Variants in DPYD observed in about 807,000 individuals in gnomAD.
DPYD encodes the protein dihydropyrimidine dehydrogenase [NADP(+)].
In DPYD, 109 loss-of-function variants were observed where a neutral mutation model predicts 116.2. That is an observed-to-expected ratio of 0.94 (90% CI 0.80 to 1.10). The LOEUF (loss-of-function observed/expected upper bound fraction) is 1.10, where lower values mean the gene tolerates loss of function less well. Ranked by LOEUF, DPYD falls within the 50% of genes least tolerant of loss-of-function variation. The pLI is 0.00. For synonymous variants in DPYD, 440 were observed against 432.0 expected, an observed-to-expected ratio of 1.02 and a Z score of -0.23; for missense variants, 1,302 against 1,254.5, an observed-to-expected ratio of 1.04 and a Z score of -0.57.
At chr1:97,659,202 T>G (rs1480456840) in intron 8 of DPYD, among the ~76,000 whole-genome samples, 3 of 152,166 alleles carry the variant, frequency 2.0e-5, no homozygotes, top group Non-Finnish European at 4.4e-5. Flanking sequence ...ATCTCTGATC[T>G]TTGTGAAGTC....
chr1:97,282,737 T>A (rs1381134686), intron 18 of DPYD, among the ~76,000 whole-genome samples: 1 of 152,096 alleles, frequency 6.6e-6, no homozygotes, highest in African/African-American at 2.4e-5. Context: ...CTCTCTCAAA[T>A]AGGCCCCAGT....
intron 20 of DPYD, among the ~76,000 whole-genome samples, chr1:97,164,416 T>C (rs1656157209): frequency 6.6e-6 from 1 of 152,064 alleles, no homozygotes; most frequent in East Asian, 1.9e-4. Context: ...GGTACTGGAA[T>C]ACCCGGCCAG....
intron 2 of DPYD, among the ~76,000 whole-genome samples, chr1:97,843,945 C>T (rs1670165239): frequency 6.6e-6 from 1 of 151,826 alleles, no homozygotes; most frequent in Non-Finnish European, 1.5e-5. Flanking sequence ...ATGTGATAAC[C>T]TCAGATACTA....
intron 8 of DPYD, among the ~76,000 whole-genome samples, chr1:97,670,400 C>G (rs1659796423): frequency 6.6e-6 from 1 of 152,158 alleles, no homozygotes; most frequent in African/African-American, 2.4e-5. Context: ...GGGCCCCCAT[C>G]ATGGGATTAG....
At chr1:97,654,250 T>C (rs1383484114) in intron 8 of DPYD, among the ~76,000 whole-genome samples, 1 of 152,184 alleles carries the variant, frequency 6.6e-6, no homozygotes, top group Non-Finnish European at 1.5e-5. Context: ...GCACTGAAAT[T>C]AACCCTGAGA....
Position 97,765,574 on chromosome 1 carries a change from C to T in DPYD, c.234-25095G>A, listed in dbSNP as rs564845263. Among the ~76,000 whole-genome samples the T allele has an allele frequency of 2.8e-4, 43 of 152,290 alleles. No homozygotes were observed. The South Asian group carries it at 8.5e-3, about 30-fold the overall frequency. On this transcript the variant is annotated intron_variant, in intron 3 of 22. Transcript: ENST00000370192. ...GAAATGAACAGAATAGTTTGACAGC[C>T]TTACTCCTTAGGAGGCACTGGCAAG...
At chr1:97,316,342 G>T (rs1260043475) in intron 16 of DPYD, among the ~76,000 whole-genome samples, 1 of 139,842 alleles carries the variant, frequency 7.2e-6, no homozygotes, top group Admixed American at 7.2e-5. Context: ...GTAAAAAAAA[G>T]AAAAAAAAAA....
At chr1:97,852,605 C>T (rs1206138471) in intron 2 of DPYD, among the ~76,000 whole-genome samples, 6 of 152,020 alleles carry the variant, frequency 3.9e-5, no homozygotes, top group Non-Finnish European at 8.8e-5. Context: ...CAGTGATTTC[C>T]ATTGTTAAAC....
chr1:97,756,559 T>G (rs1665254548), intron 3 of DPYD, among the ~76,000 whole-genome samples: 1 of 152,126 alleles, frequency 6.6e-6, no homozygotes, highest in South Asian at 2.1e-4. Context: ...ATTACAGAAA[T>G]TTTTCTTATG....
chr1:97,155,925 G>T (rs967994718), intron 20 of DPYD, among the ~76,000 whole-genome samples: 10 of 151,886 alleles, frequency 6.6e-5, no homozygotes, highest in African/African-American at 2.2e-4. Context: ...AATCACCTGG[G>T]GATCTTTTTA....
At chr1:97,238,896 A>T (rs1337595352) in intron 18 of DPYD, among the ~76,000 whole-genome samples, 1 of 152,226 alleles carries the variant, frequency 6.6e-6, no homozygotes, top group Non-Finnish European at 1.5e-5. Flanking sequence ...GAATTCAGTT[A>T]CATCAAGCCA....
intron 14 of DPYD, among the ~76,000 whole-genome samples, chr1:97,395,229 G>T (rs1044817474): frequency 1.3e-5 from 2 of 151,120 alleles, no homozygotes; most frequent in African/African-American, 2.4e-5. Context: ...TCTAGAGACA[G>T]AATAAGGACA....
intron 18 of DPYD, among the ~76,000 whole-genome samples, chr1:97,247,790 C>T (rs1276063667): frequency 6.6e-6 from 1 of 152,034 alleles, no homozygotes; most frequent in Non-Finnish European, 1.5e-5. Flanking sequence ...ACACAACTAA[C>T]CAAAATTGAG....
intron 11 of DPYD, among the ~76,000 whole-genome samples, chr1:97,565,657 T>C (rs1338310850): frequency 6.6e-6 from 1 of 152,164 alleles, no homozygotes; most frequent in Non-Finnish European, 1.5e-5. Flanking sequence ...AAATGTGATC[T>C]CAAATTAGCA....
intron 5 of DPYD, among the ~76,000 whole-genome samples, chr1:97,703,717 T>G (rs971949869): frequency 6.6e-6 from 1 of 152,024 alleles, no homozygotes; most frequent in Non-Finnish European, 1.5e-5. Context: ...CATCCATCAC[T>G]GCAAAAATTA....
chr1:97,554,730 T>C (rs1651568273), intron 11 of DPYD, among the ~76,000 whole-genome samples: 2 of 152,148 alleles, frequency 1.3e-5, no homozygotes, highest in South Asian at 4.1e-4. Flanking sequence ...CAAGTCTGGA[T>C]GGCTTGAGCT....
Position 97,361,892 on chromosome 1 carries a change from A to G in DPYD, c.2058+11669T>C, listed in dbSNP as rs1570593813. 2.6e-5 allele frequency among the ~76,000 whole-genome samples: 4 copies of G among 152,222 alleles called. No individual in the cohort carries two copies. The East Asian group carries it at 7.7e-4, about 29-fold the overall frequency. On this transcript the variant is annotated intron_variant, in intron 16 of 22. Coordinates refer to ENST00000370192, the MANE Select transcript of DPYD (RefSeq NM_000110.4). ...GGAAGCATTCCCTTTGAAAACTGGC[A>G]CAAGACAGGGATGCCCTCTCTCACC...
intron 13 of DPYD, among the ~76,000 whole-genome samples, chr1:97,511,215 C>T (rs1647771666): frequency 6.6e-6 from 1 of 151,988 alleles, no homozygotes; most frequent in Non-Finnish European, 1.5e-5. Context: ...ACTATTATTT[C>T]ATCTGAAAAC....
intron 20 of DPYD, among the ~76,000 whole-genome samples, chr1:97,174,283 G>A (rs1418607642): frequency 1.3e-5 from 2 of 152,118 alleles, no homozygotes; most frequent in African/African-American, 4.8e-5. Context: ...ATCCTACAAA[G>A]CAAAGCACAT....
Sources: gnomAD v4.1 joint callset for allele counts (sites outside exome capture counted in the v4.1 genomes callset) on GRCh38, gnomAD v4.1.1 for gene constraint, MANE v1.5 for transcripts, NCBI Gene and HGNC (gene_info 2026-07-23, HGNC 2026-07-21) for gene names.